PDE1A: variants seen among roughly 807,000 people sequenced by gnomAD.
PDE1A encodes phosphodiesterase 1A.
Under a neutral mutation model 61.7 loss-of-function variants are expected in PDE1A, and 35 were observed. That is an observed-to-expected ratio of 0.57 (90% CI 0.43 to 0.75). The LOEUF (loss-of-function observed/expected upper bound fraction) is 0.75, where lower values mean the gene tolerates loss of function less well. PDE1A is among the 30% of genes least tolerant of loss of function. The pLI is 0.00. For missense variants in PDE1A, 597 were observed against 630.6 expected, an observed-to-expected ratio of 0.95 and a Z score of 0.57; for synonymous variants, 232 against 213.2, an observed-to-expected ratio of 1.09 and a Z score of -0.77.
At chr2:182,512,129 G>T (rs150660661) in intron 2 of PDE1A, among the ~76,000 whole-genome samples, 116 of 152,202 alleles carry the variant, frequency 7.6e-4, no homozygotes, top group Middle Eastern at 6.8e-3. Context: ...CGCCACTATC[G>T]CACATGTGCA....
rs1476357569 is a variant in PDE1A, at chr2:182,426,951, C to T, written c.-321G>A. Reference sequence around the variant, plus strand: ...CAGAACAAAACAAACAGAAAACTTCCTACCCCAGTGTCATCCAGGTAGGAA... The same window carrying T: ...CAGAACAAAACAAACAGAAAACTTCTTACCCCAGTGTCATCCAGGTAGGAA... On this transcript the variant is annotated 5_prime_UTR_variant, in exon 1 of 14. It removes the in-frame stop codon of an upstream open reading frame in the 5' UTR. Coordinates refer to ENST00000351439, the Ensembl canonical transcript of PDE1A. The T allele has an allele frequency of 9.4e-7, 1 of 1,068,536 alleles. No individual in the cohort carries two copies. The highest frequency in any genetic ancestry group is 1.1e-6 in the Non-Finnish European group (1 of 883,744). The allele number at this position is 1,068,536 out of a possible 1,614,324, so 66.2% of individuals were successfully genotyped here.
At chr2:182,447,076 G>A (rs758945740) in intron 2 of PDE1A, among the ~76,000 whole-genome samples, 2 of 150,736 alleles carry the variant, frequency 1.3e-5, no homozygotes, top group South Asian at 2.1e-4. Context: ...TCAAAAGGAC[G>A]GCCACTGGGA....
intron 2 of PDE1A, among the ~76,000 whole-genome samples, chr2:182,506,167 G>A (rs1689400125): frequency 6.6e-6 from 1 of 152,000 alleles, no homozygotes; most frequent in African/African-American, 2.4e-5. Flanking sequence ...TTCATTCTTA[G>A]CCTTTTCTTT....
intron 2 of PDE1A, among the ~76,000 whole-genome samples, chr2:182,490,528 C>A (rs1688316294): frequency 6.6e-6 from 1 of 152,112 alleles, no homozygotes; most frequent in Admixed American, 6.5e-5. Context: ...CACCACCACG[C>A]CCAGCTAATT....
At chr2:182,438,732 C>T (rs1337718168) in intron 2 of PDE1A, among the ~76,000 whole-genome samples, 5 of 151,880 alleles carry the variant, frequency 3.3e-5, no homozygotes, top group East Asian at 3.9e-4. Flanking sequence ...TTACAGGAGA[C>T]GAATCTGAAA....
chr2:182,658,889 A>G, the PDE1A span, among the ~76,000 whole-genome samples: 2 of 152,128 alleles, frequency 1.3e-5, no homozygotes, highest in East Asian at 1.9e-4. Flanking sequence ...TTACTTTCAA[A>G]CACTGGCAAA....
At chr2:182,653,228 G>T in the PDE1A span, among the ~76,000 whole-genome samples, 1 of 152,232 alleles carries the variant, frequency 6.6e-6, no homozygotes, top group East Asian at 1.9e-4. Context: ...AGGAAAACAT[G>T]AATTCCATCC....
At chr2:182,511,980 C>T (rs1689827640) in intron 2 of PDE1A, among the ~76,000 whole-genome samples, 1 of 152,178 alleles carries the variant, frequency 6.6e-6, no homozygotes, top group African/African-American at 2.4e-5. Context: ...GCGTGGACCA[C>T]ACTGCCCCAC....
At chr2:182,428,686 G>A (rs17265027), upstream of PDE1A, among the ~76,000 whole-genome samples, 24,465 of 152,004 alleles carry the variant, frequency 0.16, 2,312 homozygotes, top group Middle Eastern at 0.31. Context: ...ATAACACATT[G>A]TACAGGTCTT....
rs150498649 is a variant in PDE1A, at chr2:182,159,598, T to A, written c.1517-12446A>T. 1.0e-3 allele frequency among the ~76,000 whole-genome samples: 153 copies of A among 152,352 alleles called. 1 individual carries two copies. The highest frequency in any genetic ancestry group is 3.5e-3 in the African/African-American group (146 of 41,586). Reference sequence around the variant, plus strand: ...ATCTTAAGCAAGTAATACTTTTCCATAGCACACTTCTTTAAGGAAGCTTTC... The same window carrying A: ...ATCTTAAGCAAGTAATACTTTTCCAAAGCACACTTCTTTAAGGAAGCTTTC... On this transcript the variant is annotated intron_variant, in intron 13 of 13. Coordinates refer to the PDE1A transcript ENST00000409365.
At chr2:182,528,229 A>G in the PDE1A span, among the ~76,000 whole-genome samples, 1 of 152,186 alleles carries the variant, frequency 6.6e-6, no homozygotes, top group East Asian at 1.9e-4. Context: ...AGTGATATGA[A>G]CAATGAAATC....
chr2:182,589,486 A>G, the PDE1A span, among the ~76,000 whole-genome samples: 3 of 152,178 alleles, frequency 2.0e-5, no homozygotes, highest in Non-Finnish European at 4.4e-5. Context: ...TTGGTGGAAG[A>G]TATGAAAAAG....
At chr2:182,536,741 G>A in the PDE1A span, among the ~76,000 whole-genome samples, 1 of 152,150 alleles carries the variant, frequency 6.6e-6, no homozygotes, top group Non-Finnish European at 1.5e-5. Flanking sequence ...TCAACTAAGA[G>A]AATGCAGCAG....
At chr2:182,490,824 G>A (rs150787273) in intron 2 of PDE1A, among the ~76,000 whole-genome samples, 1,539 of 152,224 alleles carry the variant, frequency 0.01, 18 homozygotes, top group Middle Eastern at 0.027. Flanking sequence ...ATACAAGTAG[G>A]GGATGGTCTT....
intron 2 of PDE1A, among the ~76,000 whole-genome samples, chr2:182,435,207 T>C (rs1684318797): frequency 6.6e-6 from 1 of 152,026 alleles, no homozygotes; most frequent in Non-Finnish European, 1.5e-5. Flanking sequence ...CAAACATCCG[T>C]TGCTTAGTGT....
intron 7 of PDE1A, among the ~76,000 whole-genome samples, 166 bp from the exon 8 acceptor site, chr2:182,206,231 T>G (rs1269767158): frequency 6.6e-6 from 1 of 152,210 alleles, no homozygotes; most frequent in Non-Finnish European, 1.5e-5. Flanking sequence ...GTATGATATT[T>G]TAAAATTTTA....
chr2:182,293,620 G>C (rs1694684040), intron 1 of PDE1A, among the ~76,000 whole-genome samples: 1 of 152,120 alleles, frequency 6.6e-6, no homozygotes, highest in African/African-American at 2.4e-5. Context: ...ACTCCCAGTG[G>C]ATGTCTGAAA....
chr2:182,432,416 A>G (rs578202045), intron 2 of PDE1A, among the ~76,000 whole-genome samples: 7 of 145,500 alleles, frequency 4.8e-5, no homozygotes, highest in Non-Finnish European at 9.0e-5. Context: ...TTTTAAATTG[A>G]GCTTTGCTGT....
chr2:182,393,710 T>C (rs1701547946), intron 1 of PDE1A, among the ~76,000 whole-genome samples: 1 of 152,196 alleles, frequency 6.6e-6, no homozygotes, highest in Non-Finnish European at 1.5e-5. Flanking sequence ...TGCTTAGAAA[T>C]TTTTTCCACC....
Sources: allele counts gnomAD v4.1 joint callset (sites outside exome capture counted in the v4.1 genomes callset), GRCh38; gene constraint gnomAD v4.1.1; transcripts MANE v1.5; gene names NCBI Gene and HGNC (gene_info 2026-07-23, HGNC 2026-07-21).